Variants in SEPTIN9 observed in about 807,000 individuals in gnomAD.
The protein encoded by SEPTIN9 is septin 9, also known as septin-9.
SEPTIN9 carries 13 observed loss-of-function variants against 56.6 expected under a neutral mutation model. The observed-to-expected ratio is 0.23, with a 90% CI of 0.15 to 0.37. SEPTIN9 has a LOEUF of 0.37. Among genes scored for constraint, SEPTIN9 ranks in the 10% least tolerant of loss-of-function variants. The pLI is 1.00. For synonymous variants in SEPTIN9, 332 were observed against 334.1 expected, an observed-to-expected ratio of 0.99 and a Z score of 0.07; for missense variants, 650 against 823.1, an observed-to-expected ratio of 0.79 and a Z score of 2.57.
intron 1 of SEPTIN9, among the ~76,000 whole-genome samples, chr17:77,283,800 A>T (rs1228037596): frequency 1.3e-5 from 2 of 152,218 alleles, no homozygotes; most frequent in Non-Finnish European, 2.9e-5. Flanking sequence ...ATAGACAGTC[A>T]TCGAAGACAC....
intron 3 of SEPTIN9, among the ~76,000 whole-genome samples, chr17:77,441,278 G>T (rs992576192): frequency 1.1e-4 from 16 of 152,306 alleles, no homozygotes; most frequent in African/African-American, 3.6e-4. Flanking sequence ...CTTGGAGTGG[G>T]TCTGGGGCTG....
chr17:77,370,880 G>A (rs1473405161), intron 2 of SEPTIN9, among the ~76,000 whole-genome samples: 5 of 152,120 alleles, frequency 3.3e-5, no homozygotes, highest in Non-Finnish European at 5.9e-5. Flanking sequence ...AGGACAGCTC[G>A]GGATATGATT....
rs1328927789 is a variant in SEPTIN9, at chr17:77,492,400, G to C, written c.1381-221G>C. 6.6e-6 allele frequency among the ~76,000 whole-genome samples: 1 copy of C among 152,100 alleles called. No individual in the cohort carries two copies. Among genetic ancestry groups the C allele is most frequent in the African/African-American group, 2.4e-5 (1 of 41,400 alleles). ...TCAGGACGATGACCTTAAGCCCCTGGGGAGTTGCAGCGTCGCTCAGGACAG... is the reference window on the plus strand; with the variant it reads ...TCAGGACGATGACCTTAAGCCCCTGCGGAGTTGCAGCGTCGCTCAGGACAG... On this transcript the variant is annotated intron_variant, in intron 8 of 11. Transcript: ENST00000427177. The surrounding 1 kb of genome is among the most constrained non-coding windows in gnomAD (Gnocchi z 5.4).
At chr17:77,336,423 C>T (rs1045285835) in intron 2 of SEPTIN9, among the ~76,000 whole-genome samples, 2 of 152,204 alleles carry the variant, frequency 1.3e-5, no homozygotes, top group Admixed American at 1.3e-4. Flanking sequence ...GAAAAAAAAT[C>T]TCTACAGAAT....
chr17:77,412,842 C>T (rs2036351976), intron 3 of SEPTIN9, among the ~76,000 whole-genome samples: 1 of 151,794 alleles, frequency 6.6e-6, no homozygotes, highest in Non-Finnish European at 1.5e-5. Context: ...CATTTTAATC[C>T]TGATATTGTC....
At chr17:77,395,703 CA>C (rs1216651262) in intron 2 of SEPTIN9, among the ~76,000 whole-genome samples, 1 of 152,146 alleles carries the variant, frequency 6.6e-6, no homozygotes, top group African/African-American at 2.4e-5. Context: ...TGTGTGCGTG[CA>C]AACTGCACAT....
At chr17:77,482,849 G>A (rs997207572) in intron 4 of SEPTIN9, 7 of 438,296 alleles carry the variant, frequency 1.6e-5, no homozygotes, top group African/African-American at 9.8e-5. Context: ...CGATCAGCAC[G>A]ACCTGGGCAG....
At chr17:77,472,332 T>C (rs2039036216) in intron 3 of SEPTIN9, 1 of 152,090 alleles carries the variant, frequency 6.6e-6, no homozygotes, top group Non-Finnish European at 1.5e-5. Context: ...GAGGTTTGCT[T>C]GAAAGGGTTT....
At chr17:77,361,854 G>C (rs184661997) in intron 2 of SEPTIN9, among the ~76,000 whole-genome samples, 2 of 151,518 alleles carry the variant, frequency 1.3e-5, no homozygotes, top group African/African-American at 2.4e-5. Flanking sequence ...GGATGGTCTC[G>C]ATCTCTTGAC....
Position 77,402,111 on chromosome 17 carries a change from A to G in SEPTIN9, c.129A>G (p.Pro43=). 6.2e-7 allele frequency: 1 copy of G among 1,613,076 alleles called. No individual in the cohort carries two copies. Among genetic ancestry groups the G allele is most frequent in the Non-Finnish European group, 8.5e-7 (1 of 1,179,656 alleles). Residue 43 remains proline (P), a synonymous_variant, in exon 3 of 12, where the codon CCA becomes CCG. Coordinates refer to ENST00000427177, the MANE Select transcript of SEPTIN9 (RefSeq NM_001113491.2). The surrounding 1 kb of genome is among the most constrained non-coding windows in gnomAD (Gnocchi z 6.6). The stretch of plus-strand genomic sequence containing the variant: ...AGGTCGAGACACCCAACTCCACCCC[A>G]CCCCGGAGGGTCCAGACTCCCCTAC... ...VEEVETPNST[P]PRRVQTPLLR...
chr17:77,320,459 A>G, intron 2 of SEPTIN9: 1 of 966,156 alleles, frequency 1.0e-6, no homozygotes, highest in Admixed American at 1.8e-5. Flanking sequence ...CATTTTTCAC[A>G]GAAATATTTC....
chr17:77,488,014 C>T (rs890193453), intron 5 of SEPTIN9, among the ~76,000 whole-genome samples: 1 of 152,224 alleles, frequency 6.6e-6, no homozygotes, highest in African/African-American at 2.4e-5. Context: ...ACACTGAGCT[C>T]CCCACAGACA....
In SEPTIN9 at chr17:77,402,179, T is replaced by G; in HGVS notation, c.197T>G (p.Leu66Arg). The G allele has an allele frequency of 6.2e-7, 1 of 1,613,728 alleles. No homozygotes were observed. The change falls in exon 3 of 12, where the codon CTG becomes CGG. Residue 66 changes from leucine to arginine, a missense_variant. This residue lies in a region of SEPTIN9 where 317 missense variants were observed against 329.1 expected (regional missense o/e 0.96). Coordinates refer to ENST00000427177, the MANE Select transcript of SEPTIN9 (RefSeq NM_001113491.2). This position sits in a 1 kb window ranked among gnomAD's most constrained non-coding sequence, Gnocchi z 6.6. ...VASSTQKFQD[L>R]GVKNSEPSAR... ...AGCTCCACCCAGAAATTCCAGGACCTGGGCGTGAAGAACTCAGAACCCTCG... is the reference window on the plus strand; with the variant it reads ...AGCTCCACCCAGAAATTCCAGGACCGGGGCGTGAAGAACTCAGAACCCTCG...
intron 3 of SEPTIN9, chr17:77,481,874 G>T (rs1290461455): frequency 2.6e-5 from 14 of 534,426 alleles, no homozygotes; most frequent in Non-Finnish European, 4.4e-5. Flanking sequence ...GCTCCTAGAA[G>T]AGGAGATGAA....
At chr17:77,401,947 G>A (rs927932625) in intron 2 of SEPTIN9, 112 bp from the exon 3 acceptor site, 73 of 1,074,208 alleles carry the variant, frequency 6.8e-5, no homozygotes, top group Non-Finnish European at 9.3e-5. Flanking sequence ...AGAGACCCCC[G>A]GCCCTCACCG....
chr17:77,482,798 C>A, intron 4 of SEPTIN9: 1 of 547,354 alleles, frequency 1.8e-6, no homozygotes, highest in Admixed American at 3.2e-5. Flanking sequence ...TCCACACCCC[C>A]TGGTGGCCCC....
intron 7 of SEPTIN9, among the ~76,000 whole-genome samples, chr17:77,489,357 C>G (rs529440364): frequency 1.3e-5 from 2 of 152,280 alleles, no homozygotes; most frequent in African/African-American, 4.8e-5. Context: ...CCTTTCCTCC[C>G]GCCGGCTCTG....
At chr17:77,464,759 C>G (rs2038637762) in intron 3 of SEPTIN9, among the ~76,000 whole-genome samples, 1 of 151,932 alleles carries the variant, frequency 6.6e-6, no homozygotes, top group Non-Finnish European at 1.5e-5. Flanking sequence ...CACCACCACA[C>G]CCGGCTAATT....
intron 10 of SEPTIN9, among the ~76,000 whole-genome samples, chr17:77,495,835 C>A (rs924991460): frequency 2.0e-5 from 3 of 152,320 alleles, no homozygotes; most frequent in Admixed American, 2.0e-4. Flanking sequence ...GAGGCCCCGG[C>A]CCTGCCTGCT....
Sources: gnomAD v4.1 joint callset for allele counts (sites outside exome capture counted in the v4.1 genomes callset) on GRCh38, gnomAD v4.1.1 for gene constraint, gnomAD v4.1.1 regional missense constraint, Gnocchi (gnomAD v3.1) non-coding constraint, MANE v1.5 for transcripts, NCBI Gene and HGNC (gene_info 2026-07-23, HGNC 2026-07-21) for gene names.